Variants in NTN1 observed in about 807,000 individuals in gnomAD.
NTN1 encodes netrin 1, also known as netrin-1.
Under a neutral mutation model 54.2 loss-of-function variants are expected in NTN1, and 11 were observed. The observed-to-expected ratio is 0.20, with a 90% CI of 0.13 to 0.34. NTN1 has a LOEUF of 0.34. NTN1 is among the 10% of genes least tolerant of loss of function. The probability of loss-of-function intolerance (pLI) is 1.00; values close to 1 mark genes in which losing one functional copy is unlikely to be tolerated. For missense variants in NTN1, 740 were observed against 893.1 expected (o/e 0.83, Z 2.18); for synonymous variants, 371 against 382.0 (o/e 0.97, Z 0.33).
rs1555574992 is a variant in NTN1, at chr17:9,193,935, A to AAAAAAAAC, written c.1411+10973_1411+10974insCAAAAAAA. On this transcript the variant is annotated intron_variant, in intron 5 of 6. Transcript: ENST00000173229. Reference sequence around the variant, plus strand: ...AAACTCCGACTAAAAAAAAAAAAAAAAAAAAAAAACATTATGCAGGTTGGG... The same window carrying AAAAAAAAC: ...AAACTCCGACTAAAAAAAAAAAAAAAAAAAAAACAAAAAAAAACATTATGCAGGTTGGG... Among the ~76,000 whole-genome samples, 53 of 123,634 alleles carry AAAAAAAAC rather than the reference A, an allele frequency of 4.3e-4. 1 individual carries two copies. The highest frequency in any genetic ancestry group is 3.9e-3 in the East Asian group (11 of 2,836). The allele number at this position is 123,634 out of a possible 152,430, so 81.1% of individuals were successfully genotyped here.
chr17:9,205,048 A>G (rs1409324031), intron 5 of NTN1, among the ~76,000 whole-genome samples: 1 of 152,122 alleles, frequency 6.6e-6, no homozygotes, highest in East Asian at 1.9e-4. Context: ...ATTACCATTA[A>G]GAGCCAGAAC....
intron 5 of NTN1, among the ~76,000 whole-genome samples, chr17:9,205,817 CTG>C (rs1236241852): frequency 1.3e-5 from 2 of 152,266 alleles, no homozygotes; most frequent in South Asian, 2.1e-4. Flanking sequence ...ACTTGTACCT[CTG>C]TTTTCTCCTG....
upstream of NTN1, among the ~76,000 whole-genome samples, chr17:9,019,279 A>G (rs775691379): frequency 4.6e-5 from 7 of 152,380 alleles, no homozygotes; most frequent in East Asian, 5.8e-4. Context: ...GATAACCACT[A>G]TTAACTGTGT....
intron 2 of NTN1, among the ~76,000 whole-genome samples, chr17:9,082,249 C>T (rs750592144): frequency 1.4e-4 from 22 of 152,192 alleles, no homozygotes; most frequent in African/African-American, 2.4e-4. Context: ...TTAATAGAGA[C>T]GGGGTTTTGC....
chr17:9,051,992 C>G (rs185660709), intron 2 of NTN1, among the ~76,000 whole-genome samples: 2 of 151,178 alleles, frequency 1.3e-5, no homozygotes, highest in African/African-American at 4.9e-5. Flanking sequence ...TGTGTTTTGA[C>G]GCGGAGTTTC....
chr17:9,202,960 C>T (rs527798936), intron 5 of NTN1, among the ~76,000 whole-genome samples: 5 of 152,052 alleles, frequency 3.3e-5, no homozygotes, highest in Admixed American at 6.5e-5. Context: ...CTCTCTCTGT[C>T]GGCCAGGCTA....
At chr17:9,061,728 G>A (rs999640573) in intron 2 of NTN1, among the ~76,000 whole-genome samples, 1 of 151,962 alleles carries the variant, frequency 6.6e-6, no homozygotes, top group Non-Finnish European at 1.5e-5. Context: ...TTTTGAGACG[G>A]ATTCTCGCTC....
chr17:9,033,135 G>A (rs1033331031), intron 2 of NTN1, among the ~76,000 whole-genome samples: 4 of 151,936 alleles, frequency 2.6e-5, no homozygotes, highest in Admixed American at 2.6e-4. Context: ...TATATTTTTA[G>A]TAGAGATGGG....
In NTN1 at chr17:9,211,679, C is replaced by T. The variant is rs1188350636; in HGVS notation, c.1412-9489C>T. Among the ~76,000 whole-genome samples, 1 of 152,220 alleles carries T rather than the reference C, an allele frequency of 6.6e-6. No homozygotes were observed. Among genetic ancestry groups the T allele is most frequent in the Non-Finnish European group, 1.5e-5 (1 of 68,046 alleles). ...GGGAAAGTTCATATTTTAATCTGTG[C>T]CCCAGCCATATCGTGTGAGTGTGTG... is the stretch of plus-strand genomic sequence containing the variant. On this transcript the variant is annotated intron_variant, in intron 5 of 6. Coordinates refer to ENST00000173229, the MANE Select transcript of NTN1 (RefSeq NM_004822.3). The surrounding 1 kb of genome is among the most constrained non-coding windows in gnomAD (Gnocchi z 4.4).
chr17:9,141,372 C>T (rs1369601313), intron 2 of NTN1, among the ~76,000 whole-genome samples: 1 of 152,060 alleles, frequency 6.6e-6, no homozygotes, highest in African/African-American at 2.4e-5. Context: ...CCAGGAAAGT[C>T]AAAGGAAGAG....
At chr17:9,005,495 G>A in the NTN1 span, among the ~76,000 whole-genome samples, 60 of 147,340 alleles carry the variant, frequency 4.1e-4, no homozygotes, top group East Asian at 1.2e-3. Flanking sequence ...GCTTCCCTAC[G>A]TCTGGGGAGG....
intron 6 of NTN1, among the ~76,000 whole-genome samples, chr17:9,229,420 TC>T (rs3837852): frequency 0.78 from 118,605 of 151,794 alleles, 46,550 homozygotes; most frequent in African/African-American, 0.86. Flanking sequence ...GGATTTTCAT[TC>T]CTGTCAATAG....
At chr17:9,044,149 T>C (rs1397477495) in intron 2 of NTN1, among the ~76,000 whole-genome samples, 1 of 152,164 alleles carries the variant, frequency 6.6e-6, no homozygotes, top group Non-Finnish European at 1.5e-5. Flanking sequence ...CCTGGAGTTA[T>C]TTATGAATTG....
chr17:9,111,488 A>C (rs1035067151), intron 2 of NTN1, among the ~76,000 whole-genome samples: 2 of 152,124 alleles, frequency 1.3e-5, no homozygotes, highest in Non-Finnish European at 2.9e-5. Context: ...TGGGAGAGGC[A>C]GGTTCTTCTG....
intron 6 of NTN1, among the ~76,000 whole-genome samples, chr17:9,229,931 C>T (rs567742128): frequency 2.0e-5 from 3 of 152,056 alleles, no homozygotes; most frequent in Non-Finnish European, 2.9e-5. Context: ...GGATGGATCC[C>T]GGTCCTGGCT....
intron 5 of NTN1, among the ~76,000 whole-genome samples, chr17:9,195,775 T>C (rs1296568706): frequency 6.6e-6 from 1 of 152,160 alleles, no homozygotes; most frequent in Non-Finnish European, 1.5e-5. Flanking sequence ...TCACAGCCAC[T>C]GAACTGGGGT....
chr17:9,096,366 C>CCTTTTTTTTTTTT lies in NTN1; in HGVS notation c.1019-66447_1019-66446insCTTTTTTTTTTTT, dbSNP rs55880198. Among the ~76,000 whole-genome samples the CCTTTTTTTTTTTT allele has an allele frequency of 3.8e-4, 35 of 91,546 alleles. 7 individuals are homozygous for CCTTTTTTTTTTTT. The highest frequency in any genetic ancestry group is 4.1e-4 in the Non-Finnish European group (20 of 49,116). 60.1% of individuals were successfully genotyped at this position (91,546 alleles called of 152,430 possible). A position where few individuals can be genotyped will look rare whatever the true frequency, so the allele number is the denominator to read the frequency against. On this transcript the variant is annotated intron_variant, in intron 2 of 6. Transcript: ENST00000173229. The stretch of plus-strand genomic sequence containing the variant: ...TGTCTTCCTGGGTTTTATGGGTAGA[C>CCTTTTTTTTTTTT]TTTTTTTTTTTTTTTTTTTTTTGAG...
intron 2 of NTN1, among the ~76,000 whole-genome samples, chr17:9,030,128 T>C (rs1033618984): frequency 6.6e-6 from 1 of 152,214 alleles, no homozygotes; most frequent in Non-Finnish European, 1.5e-5. Flanking sequence ...ACTGTGGCCA[T>C]GTGATTGATG....
At chr17:9,236,147 AAACCTTGATAGG>A (rs1457281339) in intron 6 of NTN1, among the ~76,000 whole-genome samples, 4 of 151,664 alleles carry the variant, frequency 2.6e-5, no homozygotes, top group Non-Finnish European at 5.9e-5. Flanking sequence ...ACTAACATTA[AAACCTTGATAGG>A]GTCTAAGAGG....
Sources: allele counts gnomAD v4.1 joint callset (sites outside exome capture counted in the v4.1 genomes callset), GRCh38; gene constraint gnomAD v4.1.1; non-coding constraint Gnocchi (gnomAD v3.1); transcripts MANE v1.5; gene names NCBI Gene and HGNC (gene_info 2026-07-23, HGNC 2026-07-21).